Variants in COL5A1 observed in about 807,000 individuals in gnomAD.
COL5A1 encodes the protein collagen type V alpha 1 chain.
In COL5A1, 16 loss-of-function variants were observed where a neutral mutation model predicts 263.7. The observed-to-expected ratio is 0.06, with a 90% confidence interval of 0.04 to 0.09. The LOEUF (loss-of-function observed/expected upper bound fraction) is 0.09. Among genes scored for constraint, COL5A1 ranks in the 10% least tolerant of loss-of-function variants. The probability of loss-of-function intolerance (pLI) is 1.00; values close to 1 mark genes in which losing one functional copy is unlikely to be tolerated. For synonymous variants in COL5A1, 1,012 were observed against 1,004.5 expected, an observed-to-expected ratio of 1.01 and a Z score of -0.14; for missense variants, 2,036 against 2,540.5, an observed-to-expected ratio of 0.80 and a Z score of 4.27.
At position 134,817,883 on chromosome 9, in the gene COL5A1, C is replaced by T. The variant is rs72774474; in HGVS notation, c.4230+52C>T. On this transcript the variant is annotated intron_variant, in intron 54 of 65. Coordinates refer to ENST00000371817, the MANE Select transcript of COL5A1 (RefSeq NM_000093.5). Reference sequence around the variant, plus strand: ...ACCGCGTAGACCTCCCCCAGGGGAGCCCAGAGGGTGGGGAGTGGACAAGCG... The same window carrying T: ...ACCGCGTAGACCTCCCCCAGGGGAGTCCAGAGGGTGGGGAGTGGACAAGCG... The T allele has an allele frequency of 0.016, 24,572 of 1,531,192 alleles. 238 individuals are homozygous for T. The highest frequency in any genetic ancestry group is 0.019 in the Non-Finnish European group (21,806 of 1,124,994). The allele number at this position is 1,531,192 out of a possible 1,614,324, so 94.9% of individuals were successfully genotyped here.
At chr9:134,667,606 G>T (rs983762574) in intron 1 of COL5A1, among the ~76,000 whole-genome samples, 1 of 152,208 alleles carries the variant, frequency 6.6e-6, no homozygotes, top group African/African-American at 2.4e-5. Flanking sequence ...ACCTGCTGTC[G>T]CTAGGCTTAT....
intron 2 of COL5A1, among the ~76,000 whole-genome samples, chr9:134,699,241 C>G (rs1373564155): frequency 6.6e-6 from 1 of 152,218 alleles, no homozygotes; most frequent in Non-Finnish European, 1.5e-5. Context: ...TTAATGACCT[C>G]AAATTGCTCC....
chr9:134,770,505 A>G (rs531814275), intron 25 of COL5A1, among the ~76,000 whole-genome samples: 2 of 152,354 alleles, frequency 1.3e-5, no homozygotes, highest in South Asian at 4.1e-4. Flanking sequence ...ACTCCGTGAC[A>G]TGAGAAAAAT....
chr9:134,708,419 CG>C (rs35817169), intron 4 of COL5A1: 3 of 371,542 alleles, frequency 8.1e-6, no homozygotes, highest in Non-Finnish European at 1.6e-5. Context: ...GAGCAACTCC[CG>C]GGGTGGGGGC....
rs1213773103 is a variant in COL5A1 at position 134,722,972 on chromosome 9, C to T, written c.655-4294C>T. 3.9e-5 allele frequency among the ~76,000 whole-genome samples: 6 copies of T among 152,302 alleles called. 1 individual carries two copies. The East Asian group carries it at 7.7e-4, about 20-fold the overall frequency. On this transcript the variant is annotated intron_variant, in intron 4 of 65. Coordinates refer to ENST00000371817, the MANE Select transcript of COL5A1 (RefSeq NM_000093.5). ...CTAATCAGGGCCCCACTCTTGCTTC[C>T]TCCTCAAAATGCCCCCAGTTTACTG...
chr9:134,748,555 T>C (rs997081518), intron 11 of COL5A1, among the ~76,000 whole-genome samples: 6 of 152,244 alleles, frequency 3.9e-5, no homozygotes, highest in African/African-American at 1.2e-4. Context: ...ATGAGGATTG[T>C]ATGTCAATGA....
intron 14 of COL5A1, 70 bp from the exon 15 acceptor site, chr9:134,753,772 CCCCTGCCA>C: frequency 1.4e-6 from 1 of 725,468 alleles, no homozygotes. Flanking sequence ...CCCTGCCCCT[CCCCTGCCA>C]CCCCCAGCCC....
chr9:134,827,796 G>C (rs559752461), intron 63 of COL5A1, among the ~76,000 whole-genome samples: 12 of 152,364 alleles, frequency 7.9e-5, no homozygotes, highest in Admixed American at 4.6e-4. Flanking sequence ...GCTCACAGCA[G>C]AGGCTGGGGG....
chr9:134,642,267 TGC>T lies in COL5A1; in HGVS notation c.81_82del (p.Leu28ValfsTer25). The T allele has an allele frequency of 8.2e-7, 1 of 1,212,804 alleles. No individual in the cohort carries two copies. Among genetic ancestry groups the T allele is most frequent in the Non-Finnish European group, 1.0e-6 (1 of 967,642 alleles). 75.1% of individuals were successfully genotyped at this position (1,212,804 alleles called of 1,614,324 possible). A position where few individuals can be genotyped will look rare whatever the true frequency, so the allele number is the denominator to read the frequency against. On this transcript the variant is annotated frameshift_variant, in exon 1 of 66. Coordinates refer to ENST00000371817, the MANE Select transcript of COL5A1 (RefSeq NM_000093.5). LOFTEE classifies it high-confidence loss of function. The surrounding 1 kb of genome is among the most constrained non-coding windows in gnomAD (Gnocchi z 4.5). ...CTGCTGCCCCCGCTGCTGCTGCTGC[TGC>T]TGTGGGCGCCGCCTCCGAGCCGCGC...
At chr9:134,815,475 C>CGGTGGCA in intron 50 of COL5A1, 101 bp from the exon 51 acceptor site, 1 of 1,173,432 alleles carries the variant, frequency 8.5e-7, no homozygotes, top group Non-Finnish European at 1.3e-6. Context: ...AGGAGCTGGA[C>CGGTGGCA]GGTGGCAGGT....
At chr9:134,674,732 A>C (rs1242508118) in intron 1 of COL5A1, among the ~76,000 whole-genome samples, 4 of 152,178 alleles carry the variant, frequency 2.6e-5, no homozygotes, top group Non-Finnish European at 5.9e-5. Flanking sequence ...CGAAAAATAC[A>C]AAAGTTAGCT....
intron 63 of COL5A1, among the ~76,000 whole-genome samples, chr9:134,827,873 G>T (rs570881827): frequency 8.5e-5 from 13 of 152,390 alleles, no homozygotes; most frequent in African/African-American, 3.1e-4. Context: ...CCTGGGCTTG[G>T]CATTGACAGT....
rs531010505 is a variant in COL5A1 at position 134,766,549 on chromosome 9, A to T, written c.2133+51A>T. 841 of 1,578,106 alleles carry T rather than the reference A, an allele frequency of 5.3e-4. 16 individuals are homozygous for T. In the South Asian group the frequency reaches 8.8e-3, roughly 17 times the overall value. On this transcript the variant is annotated intron_variant, in intron 22 of 65. Coordinates refer to ENST00000371817, the MANE Select transcript of COL5A1 (RefSeq NM_000093.5). ...GGCTTCAGGGGCACTTTCCCTGGGC[A>T]CACTCCTTGCCTGGCTAGGGAGGTC...
chr9:134,832,341 G>T (rs1376892823), intron 64 of COL5A1, among the ~76,000 whole-genome samples: 2 of 152,188 alleles, frequency 1.3e-5, no homozygotes, highest in African/African-American at 4.8e-5. Context: ...AGGAGGCAGA[G>T]GTTGCAGTGA....
intron 1 of COL5A1, among the ~76,000 whole-genome samples, chr9:134,664,694 C>T (rs368023400): frequency 1.3e-5 from 2 of 152,336 alleles, no homozygotes; most frequent in East Asian, 3.9e-4. Flanking sequence ...GACACTGGCT[C>T]CTGTGAGGGG....
At chr9:134,659,954 C>T (rs996006423) in intron 1 of COL5A1, among the ~76,000 whole-genome samples, 4 of 152,246 alleles carry the variant, frequency 2.6e-5, no homozygotes, top group African/African-American at 7.2e-5. Context: ...AGCCGACACA[C>T]GGCCAAGGAG....
chr9:134,795,876 G>A (rs761856982), intron 34 of COL5A1, among the ~76,000 whole-genome samples: 2 of 152,228 alleles, frequency 1.3e-5, no homozygotes, highest in Non-Finnish European at 2.9e-5. Context: ...GTCTTCCAAG[G>A]GCTGAGGGGC....
At position 134,754,709 on chromosome 9, in the gene COL5A1, T is replaced by G. The variant is rs1835911067; in HGVS notation, c.1827+383T>G. On this transcript the variant is annotated intron_variant, in intron 16 of 65. Transcript: ENST00000371817. The surrounding 1 kb of genome is among the most constrained non-coding windows in gnomAD (Gnocchi z 4.3). Reference sequence around the variant, plus strand: ...CTGATTCGGGGGCATGGGCGGGCCTTCCTGCGCCTTACCTGCTGTCTTGCC... The same window carrying G: ...CTGATTCGGGGGCATGGGCGGGCCTGCCTGCGCCTTACCTGCTGTCTTGCC... Among the ~76,000 whole-genome samples the G allele has an allele frequency of 6.6e-6, 1 of 152,218 alleles. No homozygotes were observed. The highest frequency in any genetic ancestry group is 2.4e-5 in the African/African-American group (1 of 41,456).
chr9:134,802,352 C>T (rs757568530), intron 38 of COL5A1, among the ~76,000 whole-genome samples: 25 of 152,192 alleles, frequency 1.6e-4, no homozygotes, highest in Non-Finnish European at 3.4e-4. Flanking sequence ...CTGTGGGTGT[C>T]ACGGGCCTGC....
Sources: allele counts gnomAD v4.1 joint callset (sites outside exome capture counted in the v4.1 genomes callset), GRCh38; gene constraint gnomAD v4.1.1; non-coding constraint Gnocchi (gnomAD v3.1); transcripts MANE v1.5; gene names NCBI Gene and HGNC (gene_info 2026-07-23, HGNC 2026-07-21).